PARP8: variants seen among roughly 807,000 people sequenced by gnomAD.
PARP8 encodes poly(ADP-ribose) polymerase family member 8.
In PARP8, 51 loss-of-function variants were observed where a neutral mutation model predicts 124.1. The observed-to-expected ratio is 0.41, with a 90% CI of 0.33 to 0.52. The LOEUF (loss-of-function observed/expected upper bound fraction) is 0.52. Ranked by LOEUF, PARP8 falls within the 20% of genes least tolerant of loss-of-function variation. PARP8 has a pLI of 0.21. For missense variants in PARP8, 860 were observed against 1,018.9 expected, an observed-to-expected ratio of 0.84 and a Z score of 2.12; for synonymous variants, 391 against 361.5, an observed-to-expected ratio of 1.08 and a Z score of -0.93.
In PARP8 at chr5:50,795,150, A is replaced by G; in HGVS notation, c.1161A>G (p.Arg387=). ...TAAAGTCGCATAGACTATTGACTCG[A>G]TCTTGTTCTGGAGATCCACGATGTG... ...LTLKSHRLLT[R]SCSGDPRCEH... The change falls in exon 12 of 26, where the codon CGA becomes CGG. Residue 387 remains arginine, a synonymous_variant. Transcript: ENST00000281631. 6.2e-7 allele frequency: 1 copy of G among 1,614,194 alleles called. No homozygotes were observed. Among genetic ancestry groups the G allele is most frequent in the Non-Finnish European group, 8.5e-7 (1 of 1,180,040 alleles).
At chr5:50,765,454 A>C (rs1478545245) in intron 7 of PARP8, among the ~76,000 whole-genome samples, 2 of 152,150 alleles carry the variant, frequency 1.3e-5, no homozygotes, top group Non-Finnish European at 2.9e-5. Context: ...GGTCTGTATC[A>C]GTATTTTCTA....
intron 17 of PARP8, among the ~76,000 whole-genome samples, chr5:50,823,033 C>T (rs1745939628): frequency 6.6e-6 from 1 of 152,242 alleles, no homozygotes; most frequent in Admixed American, 6.5e-5. Context: ...AGGTTTAAAA[C>T]TTATCATTGT....
At chr5:50,830,968 A>G (rs1429215281) in intron 22 of PARP8, among the ~76,000 whole-genome samples, 2 of 152,120 alleles carry the variant, frequency 1.3e-5, no homozygotes, top group East Asian at 3.9e-4. Context: ...CCAGGTGAAC[A>G]TTAAAGAGAA....
At chr5:50,741,992 T>G (rs1758094217) in intron 2 of PARP8, 1 of 347,080 alleles carries the variant, frequency 2.9e-6, no homozygotes, top group Non-Finnish European at 5.6e-6. Flanking sequence ...CTGTTTTTAG[T>G]AGAGACAGGG....
chr5:50,767,788 C>T (rs76201718), intron 7 of PARP8, among the ~76,000 whole-genome samples: 3 of 152,298 alleles, frequency 2.0e-5, no homozygotes, highest in East Asian at 1.9e-4. Flanking sequence ...ATCTCTCCCA[C>T]GCTGGGCAAA....
At chr5:50,727,366 G>C (rs1756532742) in intron 2 of PARP8, among the ~76,000 whole-genome samples, 1 of 152,048 alleles carries the variant, frequency 6.6e-6, no homozygotes, top group South Asian at 2.1e-4. Context: ...ACCCGGACTT[G>C]GTGTTCTTTT....
At chr5:50,743,250 C>A (rs1265171284) in intron 2 of PARP8, among the ~76,000 whole-genome samples, 3 of 152,020 alleles carry the variant, frequency 2.0e-5, no homozygotes, top group African/African-American at 7.2e-5. Context: ...CCTAGAGCTC[C>A]CCAACCCTGG....
intron 22 of PARP8, among the ~76,000 whole-genome samples, chr5:50,831,357 G>A (rs758496968): frequency 3.9e-5 from 6 of 152,038 alleles, no homozygotes; most frequent in South Asian, 2.1e-4. Flanking sequence ...ACTGAATGCC[G>A]CTCAGCTGAT....
At chr5:50,766,561 TATC>T (rs1414533527) in intron 7 of PARP8, among the ~76,000 whole-genome samples, 1 of 152,236 alleles carries the variant, frequency 6.6e-6, no homozygotes, top group African/African-American at 2.4e-5. Context: ...TTTACCTTAT[TATC>T]ATGCCATCTT....
At chr5:50,749,490 A>G (rs1168547082) in intron 2 of PARP8, among the ~76,000 whole-genome samples, 2 of 152,192 alleles carry the variant, frequency 1.3e-5, no homozygotes, top group South Asian at 2.1e-4. Context: ...TTCGTATGTC[A>G]TATGAGGTAA....
intron 2 of PARP8, among the ~76,000 whole-genome samples, chr5:50,727,292 G>A (rs1213528797): frequency 6.6e-6 from 1 of 152,008 alleles, no homozygotes; most frequent in African/African-American, 2.4e-5. Flanking sequence ...CCTGGCTTTT[G>A]CGTGCCAACT....
intron 2 of PARP8, among the ~76,000 whole-genome samples, chr5:50,687,877 A>G (rs186727626): frequency 1.4e-4 from 22 of 152,288 alleles, no homozygotes; most frequent in African/African-American, 4.8e-4. Context: ...TGAGATTTGT[A>G]TAGGGACACA....
chr5:50,780,738 G>C (rs535289486), intron 9 of PARP8, among the ~76,000 whole-genome samples: 26 of 152,146 alleles, frequency 1.7e-4, no homozygotes, highest in Admixed American at 9.2e-4. Flanking sequence ...TTTCATACCT[G>C]ATAATGACTT....
intron 2 of PARP8, among the ~76,000 whole-genome samples, chr5:50,724,169 A>C (rs1451997157): frequency 6.6e-6 from 1 of 152,080 alleles, no homozygotes; most frequent in Non-Finnish European, 1.5e-5. Flanking sequence ...CCAGCTGTAG[A>C]AATTCTTGAA....
At chr5:50,841,832 C>T (rs1439386299) in intron 25 of PARP8, 134 bp from the exon 26 acceptor site, 1 of 565,854 alleles carries the variant, frequency 1.8e-6, no homozygotes, top group African/African-American at 2.0e-5. Context: ...TTGTTAAATA[C>T]ACCTGAAAAA....
In PARP8 at chr5:50,726,374, T is replaced by TCC. The variant is rs1447598361; in HGVS notation, c.147-23777_147-23776insCC. On this transcript the variant is annotated intron_variant, in intron 2 of 25. Coordinates refer to ENST00000281631, the MANE Select transcript of PARP8 (RefSeq NM_024615.4). ...TGTGTAATCTAGTTCATTAGCTACT[T>TCC]TTCAAGCTTTACTTTTTTTCCCGCA... Among the ~76,000 whole-genome samples, 4 of 152,304 alleles carry TCC rather than the reference T, an allele frequency of 2.6e-5. No individual in the cohort carries two copies. In the South Asian group the frequency reaches 6.2e-4, roughly 24 times the overall value.
chr5:50,670,029 T>C (rs2149429622), intron 2 of PARP8, among the ~76,000 whole-genome samples: 1 of 152,372 alleles, frequency 6.6e-6, no homozygotes, highest in East Asian at 1.9e-4. Flanking sequence ...GTAGTAACCG[T>C]AGATAATCCC....
At chr5:50,789,020 GACTTTCT>G (rs1741635395) in intron 10 of PARP8, among the ~76,000 whole-genome samples, 1 of 152,120 alleles carries the variant, frequency 6.6e-6, no homozygotes, top group Admixed American at 6.6e-5. Context: ...ACGTGTACAT[GACTTTCT>G]CTCTTACTGG....
intron 14 of PARP8, among the ~76,000 whole-genome samples, chr5:50,806,333 G>A (rs575986218): frequency 6.6e-6 from 1 of 152,060 alleles, no homozygotes; most frequent in Non-Finnish European, 1.5e-5. Flanking sequence ...TTCTGGAAAT[G>A]TACCACACAC....
Sources: allele counts gnomAD v4.1 joint callset (sites outside exome capture counted in the v4.1 genomes callset), GRCh38; gene constraint gnomAD v4.1.1; transcripts MANE v1.5; gene names NCBI Gene and HGNC (gene_info 2026-07-23, HGNC 2026-07-21).